SLC4A2: variants seen among roughly 807,000 people sequenced by gnomAD.
The protein encoded by SLC4A2 is anion exchange protein 2.
A neutral mutation model predicts 115.0 loss-of-function variants in SLC4A2; 36 were observed. That is an observed-to-expected ratio of 0.31 (90% CI 0.24 to 0.41). The LOEUF (loss-of-function observed/expected upper bound fraction) is 0.41. SLC4A2 is among the 10% of genes least tolerant of loss of function. The pLI is 1.00. For missense variants in SLC4A2, 1,252 were observed against 1,705.6 expected, an observed-to-expected ratio of 0.73 and a Z score of 4.68; for synonymous variants, 708 against 708.3, an observed-to-expected ratio of 1.00 and a Z score of 0.01.
chr7:151,065,223 G>A (rs890284476), intron 5 of SLC4A2, among the ~76,000 whole-genome samples: 13 of 152,186 alleles, frequency 8.5e-5, no homozygotes, highest in Admixed American at 8.5e-4. Context: ...TTCTAAGTAT[G>A]GTTTAGCCTG....
At chr7:151,069,726 C>T (rs1175187219) in intron 8 of SLC4A2, among the ~76,000 whole-genome samples, 2 of 152,010 alleles carry the variant, frequency 1.3e-5, no homozygotes, top group East Asian at 3.9e-4. Flanking sequence ...TCTGTGGAGC[C>T]TCATAACGTT....
chr7:151,068,064 C>A lies in SLC4A2; in HGVS notation c.1147+10C>A. The A allele has an allele frequency of 6.8e-7, 1 of 1,460,952 alleles. No homozygotes were observed. Among genetic ancestry groups the A allele is most frequent in the South Asian group, 1.5e-5 (1 of 68,610 alleles). 90.5% of individuals were successfully genotyped at this position (1,460,952 alleles called of 1,614,324 possible). ...AGGACCCTGGCCCATGGTAACCCCG[C>A]TCCCCTCCACCTCCCGCCTGGCCAG... On this transcript the variant is annotated intron_variant, in intron 8 of 22. Coordinates refer to ENST00000413384, the MANE Select transcript of SLC4A2 (RefSeq NM_003040.4).
chr7:151,069,198 C>T (rs1797344860), intron 8 of SLC4A2, among the ~76,000 whole-genome samples: 1 of 134,568 alleles, frequency 7.4e-6, no homozygotes, highest in Non-Finnish European at 1.5e-5. Flanking sequence ...AGAATTGTTT[C>T]CCAACTAGGA....
intron 19 of SLC4A2, 137 bp downstream of exon 19, chr7:151,074,978 A>C: frequency 1.0e-6 from 1 of 970,762 alleles, no homozygotes; most frequent in Non-Finnish European, 1.5e-6. Context: ...GCCACAGTTT[A>C]TTCTGTAGAC....
In SLC4A2 at chr7:151,066,587, G is replaced by C; in HGVS notation, c.649G>C (p.Gly217Arg). 1 of 1,547,650 alleles carries C rather than the reference G, an allele frequency of 6.5e-7. No homozygotes were observed. The highest frequency in any genetic ancestry group is 8.7e-7 in the Non-Finnish European group (1 of 1,146,264). ...TGGCACTGCAGGGGGTGACGACGGG[G>C]GTGCCTCGGGGCGCCCCCTGCCCAA... ...ASGTAGGDDGGASGRPLPKAQ... is the reference protein window; with the variant it reads ...ASGTAGGDDGRASGRPLPKAQ... The change falls in exon 6 of 23, where the codon GGT becomes CGT. Residue 217 changes from glycine (G) to arginine (R), a missense_variant. This residue lies in a region of SLC4A2 where 215 missense variants were observed against 205.2 expected (regional missense o/e 1.05). Coordinates refer to ENST00000413384, the MANE Select transcript of SLC4A2 (RefSeq NM_003040.4).
At chr7:151,066,166 G>A (rs1003655131) in intron 5 of SLC4A2, among the ~76,000 whole-genome samples, 8 of 152,172 alleles carry the variant, frequency 5.3e-5, no homozygotes, top group African/African-American at 1.9e-4. Context: ...CTCCTTTTCT[G>A]CACCAGGACC....
rs1182375968 is a variant in SLC4A2, at chr7:151,076,016, C to G, written c.3475C>G (p.Arg1159Gly). 6.2e-7 allele frequency: 1 copy of G among 1,600,876 alleles called. No homozygotes were observed. Among genetic ancestry groups the G allele is most frequent in the Admixed American group, 1.7e-5 (1 of 59,056 alleles). Residue 1159 changes from arginine to glycine, a missense_variant, in exon 22 of 23, where the codon CGG becomes GGG. By Grantham distance (125) the Arg-to-Gly change is moderately radical (BLOSUM62 -2). Transcript: ENST00000413384. ...HPDVTYVKKV[R>G]TLRMHLFTAL... ...CTCACCTGTCTCCGCCCCCCAGGTC[C>G]GGACCCTCCGTATGCACCTGTTCAC...
chr7:151,071,451 G>T lies in SLC4A2; in HGVS notation c.2037G>T (p.Gly679=). The T allele has an allele frequency of 1.2e-6, 2 of 1,608,436 alleles. No individual in the cohort carries two copies. The highest frequency in any genetic ancestry group is 1.7e-6 in the Non-Finnish European group (2 of 1,179,774). The part of the protein sequence containing the change: ...AAEDDPLRRT[G]RPFGGLIRDV... ...AAGATGATCCCCTTCGGCGGACGGGGCGGCCCTTTGGGGGGCTGATCCGAG... is the reference window on the plus strand; with the variant it reads ...AAGATGATCCCCTTCGGCGGACGGGTCGGCCCTTTGGGGGGCTGATCCGAG... Residue 679 remains glycine (G), a synonymous_variant, in exon 14 of 23, where the codon GGG becomes GGT. Coordinates refer to ENST00000413384, the MANE Select transcript of SLC4A2 (RefSeq NM_003040.4). The surrounding 1 kb of genome is among the most constrained non-coding windows in gnomAD (Gnocchi z 5.5).
At chr7:151,072,795 A>C (rs1797485133) in intron 16 of SLC4A2, among the ~76,000 whole-genome samples, 1 of 151,648 alleles carries the variant, frequency 6.6e-6, no homozygotes, top group African/African-American at 2.4e-5. Flanking sequence ...AGTAGCTGGG[A>C]TTACAGGCAC....
rs1027302318 is a variant in SLC4A2, at chr7:151,071,569, G to A, written c.2155G>A (p.Ala719Thr). The change falls in exon 14 of 23, where the codon GCC (alanine) becomes ACC (threonine). Residue 719 changes from alanine (A) to threonine (T), a missense_variant. By Grantham distance (58) the Ala-to-Thr change is moderately conservative. Coordinates refer to ENST00000413384, the MANE Select transcript of SLC4A2 (RefSeq NM_003040.4). The surrounding 1 kb of genome is among the most constrained non-coding windows in gnomAD (Gnocchi z 5.5). ...CGCAGTCATCTTCATCTACTTTGCC[G>A]CCCTGTCTCCTGCCATCACCTTTGG... ...LAAVIFIYFA[A>T]LSPAITFGGL... The A allele has an allele frequency of 6.2e-6, 10 of 1,613,958 alleles. No homozygotes were observed. Among genetic ancestry groups the A allele is most frequent in the African/African-American group, 5.3e-5 (4 of 75,016 alleles).
chr7:151,070,375 T>A, intron 10 of SLC4A2, 29 bp downstream of exon 10: 1 of 1,609,344 alleles, frequency 6.2e-7, no homozygotes, highest in African/African-American at 1.3e-5. Context: ...CTGCCTGGGC[T>A]GGCGGCAGGG....
chr7:151,074,546 G>A, intron 18 of SLC4A2, 58 bp downstream of exon 18: 1 of 1,599,680 alleles, frequency 6.3e-7, no homozygotes, highest in African/African-American at 1.3e-5. Context: ...GGGTCTAGGT[G>A]TTCCCCTCCA....
chr7:151,060,986 G>A lies in SLC4A2; in HGVS notation c.-63-939G>A, dbSNP rs568078574. On this transcript the variant is annotated intron_variant, in intron 1 of 22. Transcript: ENST00000413384. This position sits in a 1 kb window ranked among gnomAD's most constrained non-coding sequence, Gnocchi z 5.9. ...CCCTGTGCTGACCCGCTAGGAATGC[G>A]CCCCCTATTTGCAGGGATTGGGCTC... is the stretch of plus-strand genomic sequence containing the variant. Among the ~76,000 whole-genome samples, 49 of 152,086 alleles carry A rather than the reference G, an allele frequency of 3.2e-4. No individual in the cohort carries two copies. The South Asian group carries it at 9.5e-3, about 30-fold the overall frequency.
chr7:151,063,065 G>A (rs1196395860), intron 2 of SLC4A2: 1 of 1,509,796 alleles, frequency 6.6e-7, no homozygotes, highest in South Asian at 1.2e-5. Flanking sequence ...GTGGGTGGGT[G>A]GGGGGCTGGA....
intron 2 of SLC4A2, chr7:151,062,485 A>T (rs910149817): frequency 3.1e-6 from 4 of 1,289,876 alleles, no homozygotes; most frequent in Non-Finnish European, 4.0e-6. Context: ...ACCGCTCCAC[A>T]TGGCCCCCTT....
chr7:151,071,245 C>T lies in SLC4A2; in HGVS notation c.1923C>T (p.Gly641=). The T allele has an allele frequency of 6.4e-7, 1 of 1,572,474 alleles. No homozygotes were observed. The highest frequency in any genetic ancestry group is 2.4e-5 in the East Asian group (1 of 42,176). The change falls in exon 13 of 23, where the codon GGC becomes GGT. Residue 641 remains glycine, a synonymous_variant. Transcript: ENST00000413384. The surrounding 1 kb of genome is among the most constrained non-coding windows in gnomAD (Gnocchi z 5.5). ...TGCTCAAGAAGCGAGAGGAGCAGGG[C>T]CGGCTGCTACCTACAGGGGCTGGGC... ...RQMLKKREEQ[G]RLLPTGAGLE...
At chr7:151,063,251 G>A (rs1354938936) in intron 2 of SLC4A2, 1 of 1,213,388 alleles carries the variant, frequency 8.2e-7, no homozygotes, top group East Asian at 3.0e-5. Context: ...GCTCGGGCCG[G>A]GGGCCTGGGG....
At chr7:151,061,777 A>G in intron 1 of SLC4A2, 148 bp from the exon 2 acceptor site, 1 of 564,088 alleles carries the variant, frequency 1.8e-6, no homozygotes, top group Non-Finnish European at 3.2e-6. Context: ...TTCTTCCTAT[A>G]AATAACTCTC....
Position 151,076,431 on chromosome 7 carries a change from C to T in SLC4A2, c.*64C>T, listed in dbSNP as rs1157259714. The T allele has an allele frequency of 1.4e-5, 17 of 1,207,998 alleles. No homozygotes were observed. Among genetic ancestry groups the T allele is most frequent in the Non-Finnish European group, 1.9e-5 (17 of 890,698 alleles). The allele number at this position is 1,207,998 out of a possible 1,614,324, so 74.8% of individuals were successfully genotyped here. ...GGACAGGCTGGTGGGATGGGGTTCC[C>T]CCTCCCATGCCCCTCCCTCCTTTTT... On this transcript the variant is annotated 3_prime_UTR_variant, in exon 23 of 23. Transcript: ENST00000413384.
Sources: gnomAD v4.1 joint callset for allele counts (sites outside exome capture counted in the v4.1 genomes callset) on GRCh38, gnomAD v4.1.1 for gene constraint, gnomAD v4.1.1 regional missense constraint, Gnocchi (gnomAD v3.1) non-coding constraint, MANE v1.5 for transcripts, NCBI Gene and HGNC (gene_info 2026-07-23, HGNC 2026-07-21) for gene names.